The following TTBK2 variants were observed in gnomAD, a reference collection of about 807,000 sequenced individuals.
TTBK2 encodes the protein tau tubulin kinase 2, also known as tau-tubulin kinase 2.
Under a neutral mutation model 110.8 loss-of-function variants are expected in TTBK2, and 28 were observed. That is an observed-to-expected ratio of 0.25 (90% CI 0.19 to 0.35). The LOEUF (loss-of-function observed/expected upper bound fraction) is 0.35. Among genes scored for constraint, TTBK2 ranks in the 10% least tolerant of loss-of-function variants. The probability of loss-of-function intolerance (pLI) is 1.00; values close to 1 mark genes in which losing one functional copy is unlikely to be tolerated. For synonymous variants in TTBK2, 532 were observed against 527.3 expected, an observed-to-expected ratio of 1.01 and a Z score of -0.12; for missense variants, 1,369 against 1,500.3, an observed-to-expected ratio of 0.91 and a Z score of 1.45.
chr15:42,807,552 G>A (rs1392545187), intron 9 of TTBK2, among the ~76,000 whole-genome samples: 1 of 151,768 alleles, frequency 6.6e-6, no homozygotes, highest in Non-Finnish European at 1.5e-5. Flanking sequence ...GGGACTACAG[G>A]TGCATGCTAC....
At chr15:42,815,342 C>T (rs1264232685) in intron 7 of TTBK2, among the ~76,000 whole-genome samples, 3 of 151,710 alleles carry the variant, frequency 2.0e-5, no homozygotes, top group Non-Finnish European at 4.4e-5. Context: ...TGCAGCATAG[C>T]ATTTAAGACC....
At chr15:42,880,237 T>C (rs928701445) in intron 1 of TTBK2, among the ~76,000 whole-genome samples, 2 of 152,130 alleles carry the variant, frequency 1.3e-5, no homozygotes, top group Admixed American at 1.3e-4. Context: ...GAATGAATGA[T>C]ATCACTTCAG....
intron 3 of TTBK2, among the ~76,000 whole-genome samples, chr15:42,850,919 G>T (rs1044421049): frequency 6.6e-5 from 10 of 151,926 alleles, no homozygotes; most frequent in Non-Finnish European, 1.5e-4. Flanking sequence ...GTGAGAGGCT[G>T]TAAGCCTTAA....
intron 1 of TTBK2, among the ~76,000 whole-genome samples, chr15:42,893,749 AAAG>A (rs1421790398): frequency 2.6e-5 from 4 of 152,088 alleles, no homozygotes; most frequent in Non-Finnish European, 5.9e-5. Flanking sequence ...ATCTGGGAAA[AAAG>A]AACTCACAAA....
In TTBK2 at chr15:42,742,790, G is replaced by C. The variant is rs1167107424; in HGVS notation, c.*3005C>G. 1 of 152,144 alleles carries C rather than the reference G, an allele frequency of 6.6e-6. No homozygotes were observed. Among genetic ancestry groups the C allele is most frequent in the Non-Finnish European group, 1.5e-5 (1 of 68,030 alleles). The allele number at this position is 152,144 out of a possible 1,614,324, so 9.4% of individuals were successfully genotyped here. On this transcript the variant is annotated 3_prime_UTR_variant, in exon 15 of 15. Coordinates refer to ENST00000267890, the MANE Select transcript of TTBK2 (RefSeq NM_173500.4). ...CTTAATAGCCATGTCCCTCATCTTA[G>C]ATAGAATAACCAAATTGGTTTAAAA...
At chr15:42,764,027 A>T (rs1435296755) in intron 13 of TTBK2, among the ~76,000 whole-genome samples, 1 of 152,210 alleles carries the variant, frequency 6.6e-6, no homozygotes, top group African/African-American at 2.4e-5. Flanking sequence ...ACTAAAACAA[A>T]AATATTTTTT....
chr15:42,790,665 A>G (rs770108061), intron 10 of TTBK2, among the ~76,000 whole-genome samples: 5 of 151,734 alleles, frequency 3.3e-5, no homozygotes, highest in Non-Finnish European at 7.4e-5. Flanking sequence ...ATCTTTGGAC[A>G]TAAACCTTTT....
At chr15:42,788,609 G>A (rs958454929) in intron 10 of TTBK2, among the ~76,000 whole-genome samples, 4 of 152,138 alleles carry the variant, frequency 2.6e-5, no homozygotes, top group African/African-American at 9.7e-5. Flanking sequence ...TATCCCACTT[G>A]TGAATTGTGG....
chr15:42,855,709 C>T (rs542561750), intron 3 of TTBK2, among the ~76,000 whole-genome samples: 18 of 152,260 alleles, frequency 1.2e-4, no homozygotes, highest in South Asian at 2.1e-4. Flanking sequence ...TATTTAGAGA[C>T]GGAGTCTTGC....
intron 6 of TTBK2, among the ~76,000 whole-genome samples, chr15:42,826,341 C>T (rs949969530): frequency 6.6e-6 from 1 of 151,950 alleles, no homozygotes; most frequent in African/African-American, 2.4e-5. Context: ...GAGCTGAGAC[C>T]AAATAAGACT....
chr15:42,820,444 C>T (rs1037095571), intron 6 of TTBK2, among the ~76,000 whole-genome samples: 1 of 152,128 alleles, frequency 6.6e-6, no homozygotes, highest in Non-Finnish European at 1.5e-5. Flanking sequence ...TTGAAACTTC[C>T]TCAATTGATG....
intron 1 of TTBK2, among the ~76,000 whole-genome samples, chr15:42,893,082 G>A (rs938525078): frequency 1.3e-5 from 2 of 151,634 alleles, no homozygotes; most frequent in Admixed American, 6.6e-5. Context: ...AATAAGCCAT[G>A]GTTAAAGACA....
intron 10 of TTBK2, among the ~76,000 whole-genome samples, chr15:42,785,881 G>A (rs1890391750): frequency 6.6e-6 from 1 of 151,998 alleles, no homozygotes; most frequent in East Asian, 1.9e-4. Flanking sequence ...TAATTACTGT[G>A]AGTGGCAACA....
intron 3 of TTBK2, among the ~76,000 whole-genome samples, chr15:42,868,713 T>A (rs1596003209): frequency 6.8e-6 from 1 of 146,738 alleles, no homozygotes; most frequent in Non-Finnish European, 1.5e-5. Context: ...AAAAAAAAAA[T>A]TAGCTGAGTG....
rs544688302 is a variant in TTBK2 at position 42,856,259 on chromosome 15, G to C, written c.218-15826C>G. Among the ~76,000 whole-genome samples the C allele has an allele frequency of 2.0e-5, 3 of 152,180 alleles. No individual in the cohort carries two copies. In the East Asian group the frequency reaches 5.8e-4, roughly 29 times the overall value. On this transcript the variant is annotated intron_variant, in intron 3 of 14. Coordinates refer to ENST00000267890, the MANE Select transcript of TTBK2 (RefSeq NM_173500.4). ...CTCATTAATCCTCTAGATCTAATTA[G>C]GAGTTCACAAGAAATATGAAGGATG...
At chr15:42,783,293 A>G in intron 11 of TTBK2, 126 bp downstream of exon 11, 1 of 842,246 alleles carries the variant, frequency 1.2e-6, no homozygotes, top group Non-Finnish European at 2.0e-6. Flanking sequence ...CCACATGAGG[A>G]CTCAGCAAGG....
At chr15:42,916,304 C>T (rs1021580172) in intron 1 of TTBK2, among the ~76,000 whole-genome samples, 1 of 152,072 alleles carries the variant, frequency 6.6e-6, no homozygotes, top group Non-Finnish European at 1.5e-5. Context: ...CCCTCATCTT[C>T]GCCTTATTGG....
chr15:42,775,570 G>C lies in TTBK2; in HGVS notation c.1563C>G (p.Ala521=), dbSNP rs1222066631. ...YLPDASKPAS[A]NTPEQADGGG... is the part of the protein sequence containing the mutation. ...CACCATCTGCCTGCTCAGGGGTGTT[G>C]GCAGAAGCAGGCTTGGAGGCATCTG... The change falls in exon 13 of 15, where the codon GCC becomes GCG. Residue 521 remains alanine (A), a synonymous_variant. Coordinates refer to ENST00000267890, the MANE Select transcript of TTBK2 (RefSeq NM_173500.4). 1.2e-6 allele frequency: 2 copies of C among 1,614,152 alleles called. No individual in the cohort carries two copies. The highest frequency in any genetic ancestry group is 3.3e-5 in the Admixed American group (2 of 60,012).
intron 11 of TTBK2, among the ~76,000 whole-genome samples, chr15:42,779,325 C>T (rs1181459500): frequency 6.6e-6 from 1 of 151,138 alleles, no homozygotes; most frequent in African/African-American, 2.4e-5. Context: ...AGGAGAATCG[C>T]TTTAACCCAA....
Sources: gnomAD v4.1 joint callset for allele counts (sites outside exome capture counted in the v4.1 genomes callset) on GRCh38, gnomAD v4.1.1 for gene constraint, MANE v1.5 for transcripts, NCBI Gene and HGNC (gene_info 2026-07-23, HGNC 2026-07-21) for gene names.